GRM8: variants seen among roughly 807,000 people sequenced by gnomAD.
The protein encoded by GRM8 is metabotropic glutamate receptor 8.
Under a neutral mutation model 87.2 loss-of-function variants are expected in GRM8, and 47 were observed. The ratio of observed to expected loss-of-function variants is 0.54; its 90% CI spans 0.43 to 0.69. The LOEUF (loss-of-function observed/expected upper bound fraction) is 0.69, where lower values mean the gene tolerates loss of function less well. Ranked by LOEUF, GRM8 falls within the 30% of genes least tolerant of loss-of-function variation. The pLI, the probability that GRM8 is intolerant of heterozygous loss-of-function variation, is 0.00. For missense variants in GRM8, 1,019 were observed against 1,139.2 expected (o/e 0.89, Z 1.52); for synonymous variants, 396 against 404.5 (o/e 0.98, Z 0.25).
At chr7:126,633,552 G>T (rs1801554016) in intron 7 of GRM8, among the ~76,000 whole-genome samples, 1 of 151,936 alleles carries the variant, frequency 6.6e-6, no homozygotes, top group South Asian at 2.1e-4. Flanking sequence ...GAAAACAATT[G>T]TTGTGCTAAA....
intron 2 of GRM8, among the ~76,000 whole-genome samples, chr7:127,126,645 T>C (rs930711242): frequency 3.3e-5 from 5 of 151,974 alleles, no homozygotes; most frequent in Middle Eastern, 6.8e-3. Flanking sequence ...CTAATAAAAC[T>C]ATTAGAAAAA....
At chr7:126,926,657 C>T (rs1586482658) in intron 3 of GRM8, among the ~76,000 whole-genome samples, 1 of 152,328 alleles carries the variant, frequency 6.6e-6, no homozygotes, top group African/African-American at 2.4e-5. Flanking sequence ...GCATAGCACA[C>T]AAGGCTCTTC....
intron 6 of GRM8, among the ~76,000 whole-genome samples, chr7:126,853,272 G>A (rs1181688611): frequency 6.6e-6 from 1 of 152,132 alleles, no homozygotes; most frequent in Non-Finnish European, 1.5e-5. Flanking sequence ...CTAGTGTTTT[G>A]TTTGATCTGT....
intron 3 of GRM8, among the ~76,000 whole-genome samples, chr7:126,974,485 AG>A (rs1810750634): frequency 6.6e-6 from 1 of 152,216 alleles, no homozygotes; most frequent in African/African-American, 2.4e-5. Flanking sequence ...ATCTTAAAAA[AG>A]TTTGATCAAA....
intron 3 of GRM8, among the ~76,000 whole-genome samples, chr7:127,015,224 A>AAGAAGAAAAG (rs1815496503): frequency 7.2e-6 from 1 of 138,990 alleles, no homozygotes; most frequent in Non-Finnish European, 1.5e-5. Flanking sequence ...GAAGAAGAAG[A>AAGAAGAAAAG]AGAAGAAGAA....
intron 8 of GRM8, among the ~76,000 whole-genome samples, chr7:126,550,101 GT>G (rs1474098069): frequency 2.0e-5 from 3 of 151,528 alleles, no homozygotes; most frequent in Non-Finnish European, 4.4e-5. Flanking sequence ...GAGTGAAAAT[GT>G]TTTTTGTTTT....
At chr7:127,181,067 G>A (rs1794408280) in intron 2 of GRM8, among the ~76,000 whole-genome samples, 1 of 152,012 alleles carries the variant, frequency 6.6e-6, no homozygotes, top group Admixed American at 6.6e-5. Context: ...ACTGTTTGCT[G>A]ATGATATGAT....
chr7:127,095,151 A>G (rs1176792306), intron 3 of GRM8, among the ~76,000 whole-genome samples: 1 of 152,244 alleles, frequency 6.6e-6, no homozygotes, highest in Non-Finnish European at 1.5e-5. Flanking sequence ...GGATGGGTCC[A>G]TCTCCAAGGA....
chr7:127,089,945 T>G (rs1289201684), intron 3 of GRM8, among the ~76,000 whole-genome samples: 3 of 152,270 alleles, frequency 2.0e-5, no homozygotes, highest in Non-Finnish European at 2.9e-5. Flanking sequence ...CATCCCAATC[T>G]AAGGGCTCCA....
At chr7:126,768,932 A>AAAAAAAAAC (rs1818523390) in intron 7 of GRM8, among the ~76,000 whole-genome samples, 1 of 148,822 alleles carries the variant, frequency 6.7e-6, no homozygotes, top group African/African-American at 2.4e-5. Context: ...AAATGCAAAA[A>AAAAAAAAAC]AAAAAAAAAT....
At chr7:126,858,519 C>T (rs553679497) in intron 6 of GRM8, among the ~76,000 whole-genome samples, 2 of 152,140 alleles carry the variant, frequency 1.3e-5, no homozygotes, top group Non-Finnish European at 2.9e-5. Context: ...TAAGATCCTG[C>T]ACTTGGCTCC....
chr7:127,142,864 A>G (rs1192202442), intron 2 of GRM8, among the ~76,000 whole-genome samples: 3 of 152,192 alleles, frequency 2.0e-5, no homozygotes, highest in Non-Finnish European at 4.4e-5. Context: ...TATGATGTTT[A>G]GTAGAACAGA....
At chr7:126,514,840 AC>A (rs1480237340) in intron 9 of GRM8, among the ~76,000 whole-genome samples, 1 of 152,072 alleles carries the variant, frequency 6.6e-6, no homozygotes, top group African/African-American at 2.4e-5. Context: ...TTCTGTATCA[AC>A]CAAATTCTAA....
chr7:126,491,106 C>A (rs1305868664), intron 9 of GRM8, among the ~76,000 whole-genome samples: 2 of 152,022 alleles, frequency 1.3e-5, no homozygotes, highest in Non-Finnish European at 2.9e-5. Flanking sequence ...TCTATAATTA[C>A]CCTATCCACC....
chr7:126,911,208 C>T (rs1387517087), intron 3 of GRM8, among the ~76,000 whole-genome samples: 2 of 152,132 alleles, frequency 1.3e-5, no homozygotes, highest in African/African-American at 4.8e-5. Flanking sequence ...AAAAGTGATA[C>T]TTGCTCACTT....
chr7:127,154,704 A>G (rs1792615503), intron 2 of GRM8, among the ~76,000 whole-genome samples: 1 of 151,830 alleles, frequency 6.6e-6, no homozygotes, highest in Non-Finnish European at 1.5e-5. Context: ...ATTCTTTTTG[A>G]TTTCCTTTTT....
intron 7 of GRM8, among the ~76,000 whole-genome samples, chr7:126,763,037 A>G (rs1005205651): frequency 6.6e-6 from 1 of 151,830 alleles, no homozygotes; most frequent in African/African-American, 2.4e-5. Context: ...TTGACCTCTT[A>G]GAGATTGCAT....
chr7:127,212,292 GA>G (rs1796255340), intron 2 of GRM8, among the ~76,000 whole-genome samples: 1 of 152,006 alleles, frequency 6.6e-6, no homozygotes, highest in Non-Finnish European at 1.5e-5. Flanking sequence ...ACGTATCTAA[GA>G]CAGACATAGA....
intron 3 of GRM8, among the ~76,000 whole-genome samples, chr7:127,079,809 G>T (rs1417863283): frequency 6.6e-6 from 1 of 151,324 alleles, no homozygotes; most frequent in African/African-American, 2.4e-5. Flanking sequence ...CAAACAAAAA[G>T]GCCCCCAATG....
Sources: gnomAD v4.1 joint callset for allele counts (sites outside exome capture counted in the v4.1 genomes callset) on GRCh38, gnomAD v4.1.1 for gene constraint, MANE v1.5 for transcripts, NCBI Gene and HGNC (gene_info 2026-07-23, HGNC 2026-07-21) for gene names.